Variants in NAV2 observed in about 807,000 individuals in gnomAD.
NAV2 encodes helicase, APC down-regulated 1.
A neutral mutation model predicts 223.2 loss-of-function variants in NAV2; 54 were observed. The ratio of observed to expected loss-of-function variants is 0.24; its 90% confidence interval spans 0.19 to 0.30. NAV2 has a LOEUF of 0.30. NAV2 is among the 10% of genes least tolerant of loss of function. The pLI is 1.00. For synonymous variants in NAV2, 1,279 were observed against 1,239.3 expected, an observed-to-expected ratio of 1.03 and a Z score of -0.67; for missense variants, 2,806 against 3,147.5, an observed-to-expected ratio of 0.89 and a Z score of 2.60.
rs2057721552 is a variant in NAV2, at chr11:20,048,962, C to T, written c.4137C>T (p.Ser1379=). 1 of 1,614,170 alleles carries T rather than the reference C, an allele frequency of 6.2e-7. No individual in the cohort carries two copies. Among genetic ancestry groups the T allele is most frequent in the Non-Finnish European group, 8.5e-7 (1 of 1,180,030 alleles). Reference sequence around the variant, plus strand: ...CCAGCTCAGCCCACTCGGCCCCTTCCAACAGCCTCACCTGGGGCACCAACG... The same window carrying T: ...CCAGCTCAGCCCACTCGGCCCCTTCTAACAGCCTCACCTGGGGCACCAACG... ...SSPSSAHSAP[S]NSLTWGTNAS... The change falls in exon 15 of 38, where the codon TCC becomes TCT. Residue 1379 remains serine (S), a synonymous_variant. Transcript: ENST00000349880.
chr11:20,089,941 G>C (rs1386874750), intron 26 of NAV2, among the ~76,000 whole-genome samples: 1 of 152,198 alleles, frequency 6.6e-6, no homozygotes, highest in African/African-American at 2.4e-5. Context: ...TAGCCAGGCT[G>C]TTGCAGAGTT....
chr11:19,439,198 G>A (rs1037358562), intron 1 of NAV2, among the ~76,000 whole-genome samples: 1 of 152,132 alleles, frequency 6.6e-6, no homozygotes, highest in Non-Finnish European at 1.5e-5. Flanking sequence ...AAGCGTTTTA[G>A]AAACTCTCTG....
At chr11:19,794,814 C>T (rs2057780848) in intron 1 of NAV2, among the ~76,000 whole-genome samples, 1 of 152,130 alleles carries the variant, frequency 6.6e-6, no homozygotes, top group South Asian at 2.1e-4. Flanking sequence ...ACCTCTGCAG[C>T]CATGGCTCTG....
chr11:20,051,227 C>G, intron 16 of NAV2, 62 bp from the exon 17 acceptor site: 2 of 1,432,124 alleles, frequency 1.4e-6, no homozygotes, highest in Non-Finnish European at 2.0e-6. Context: ...CCCTAGCTTT[C>G]CCTCTCTCTG....
In NAV2 at chr11:19,605,059, A is replaced by G. The variant is rs150475807; in HGVS notation, c.76-227425A>G. On this transcript the variant is annotated intron_variant, in intron 1 of 37. Transcript: ENST00000360655. ...CAGCAGCATGAAAATGGACTAATAC[A>G]TTGGTTAACTTACCCAAGGCCTCCA... is the stretch of plus-strand genomic sequence containing the variant. Among the ~76,000 whole-genome samples the G allele has an allele frequency of 1.3e-3, 196 of 152,232 alleles. 1 individual carries two copies. Among genetic ancestry groups the G allele is most frequent in the African/African-American group, 4.5e-3 (187 of 41,538 alleles).
intron 4 of NAV2, among the ~76,000 whole-genome samples, chr11:19,872,131 C>A (rs954240294): frequency 6.6e-6 from 1 of 152,060 alleles, no homozygotes; most frequent in Non-Finnish European, 1.5e-5. Context: ...AGGGTACTTA[C>A]AGCCTTTAAT....
At chr11:19,420,974 C>T (rs923873892) in intron 1 of NAV2, among the ~76,000 whole-genome samples, 2 of 152,166 alleles carry the variant, frequency 1.3e-5, no homozygotes, top group Admixed American at 1.3e-4. Flanking sequence ...GGTGGGCCTG[C>T]CCTCCTCCCC....
intron 1 of NAV2, among the ~76,000 whole-genome samples, chr11:19,662,694 G>A (rs1007714127): frequency 6.6e-6 from 1 of 152,230 alleles, no homozygotes; most frequent in Non-Finnish European, 1.5e-5. Context: ...ATGAAGCTCT[G>A]CCCACTGGCT....
intron 1 of NAV2, among the ~76,000 whole-genome samples, chr11:19,662,329 T>C (rs909983678): frequency 2.6e-5 from 4 of 152,162 alleles, no homozygotes; most frequent in Admixed American, 6.5e-5. Flanking sequence ...GTGGTCAGAG[T>C]CACTGTGATT....
chr11:19,758,971 TGGTG>T (rs764467845), intron 1 of NAV2, among the ~76,000 whole-genome samples: 2 of 152,154 alleles, frequency 1.3e-5, no homozygotes, highest in Non-Finnish European at 2.9e-5. Flanking sequence ...AGAGAATTAC[TGGTG>T]GATATTCTAA....
At chr11:19,980,103 A>C (rs1264192436) in intron 10 of NAV2, among the ~76,000 whole-genome samples, 1 of 152,176 alleles carries the variant, frequency 6.6e-6, no homozygotes, top group Admixed American at 6.5e-5. Context: ...TGGGTCTAAC[A>C]ACAGTCATGT....
intron 1 of NAV2, among the ~76,000 whole-genome samples, chr11:19,581,146 C>T (rs2045704307): frequency 6.6e-6 from 1 of 152,094 alleles, no homozygotes; most frequent in Non-Finnish European, 1.5e-5. Context: ...TGTAGGAGTT[C>T]CTTATATTTT....
rs190734810 is a variant in NAV2, at chr11:19,745,079, C to A, written c.267+31117C>A. Among the ~76,000 whole-genome samples the A allele has an allele frequency of 1.8e-3, 272 of 152,306 alleles. 1 individual carries two copies. Among genetic ancestry groups the A allele is most frequent in the Middle Eastern group, 3.4e-3 (1 of 294 alleles). ...CTCTCTAGCAGGGTTGTACTGTCAC[C>A]AGCACTAGGAGTAGAAATGATCTCC... On this transcript the variant is annotated intron_variant, in intron 1 of 37. Coordinates refer to ENST00000349880, the MANE Select transcript of NAV2 (RefSeq NM_145117.5).
At chr11:19,484,949 A>G (rs1341520317) in intron 1 of NAV2, among the ~76,000 whole-genome samples, 2 of 152,218 alleles carry the variant, frequency 1.3e-5, no homozygotes, top group Admixed American at 6.5e-5. Context: ...GATGTAGAAC[A>G]ATCCTCTATC....
intron 11 of NAV2, among the ~76,000 whole-genome samples, chr11:20,012,571 A>C (rs2053646287): frequency 6.6e-6 from 1 of 151,524 alleles, no homozygotes; most frequent in Non-Finnish European, 1.5e-5. Context: ...GCTACTCGGG[A>C]GGCTGAGGCA....
intron 1 of NAV2, among the ~76,000 whole-genome samples, chr11:19,431,380 G>T (rs1590192497): frequency 6.6e-6 from 1 of 152,330 alleles, no homozygotes; most frequent in South Asian, 2.1e-4. Flanking sequence ...GCCGCAGGAG[G>T]AGGTCCTGGG....
intron 20 of NAV2, among the ~76,000 whole-genome samples, chr11:20,062,932 A>G (rs1245978328): frequency 6.6e-6 from 1 of 152,156 alleles, no homozygotes; most frequent in African/African-American, 2.4e-5. Flanking sequence ...TGACCTTGTG[A>G]TCCACCCACC....
At chr11:19,864,726 A>T (rs1404737765) in intron 3 of NAV2, among the ~76,000 whole-genome samples, 1 of 152,212 alleles carries the variant, frequency 6.6e-6, no homozygotes, top group Non-Finnish European at 1.5e-5. Context: ...ATTGGCAGAA[A>T]GGCTTAATTG....
chr11:19,600,009 T>C (rs75159106), intron 1 of NAV2, among the ~76,000 whole-genome samples: 1,932 of 152,228 alleles, frequency 0.013, 46 homozygotes, highest in East Asian at 0.063. Flanking sequence ...GTAGTTTATT[T>C]GGGAAGTGAT....
Sources: gnomAD v4.1 joint callset for allele counts (sites outside exome capture counted in the v4.1 genomes callset) on GRCh38, gnomAD v4.1.1 for gene constraint, MANE v1.5 for transcripts, NCBI Gene and HGNC (gene_info 2026-07-23, HGNC 2026-07-21) for gene names.